The following ENDOD1 variants were observed in gnomAD, a reference collection of about 807,000 sequenced individuals.
ENDOD1 encodes endonuclease domain-containing 1 protein.
Under a neutral mutation model 6.5 loss-of-function variants are expected in ENDOD1, and 9 were observed. The ratio of observed to expected loss-of-function variants is 1.39; its 90% CI spans 0.84 to 2.43. The LOEUF (loss-of-function observed/expected upper bound fraction) is 2.43, where lower values mean the gene tolerates loss of function less well. Among genes scored for constraint, ENDOD1 ranks in the 30% most tolerant of loss-of-function variants. The pLI is 0.00. For synonymous variants in ENDOD1, 255 were observed against 255.2 expected, an observed-to-expected ratio of 1.00 and a Z score of 0.01; for missense variants, 648 against 635.5, an observed-to-expected ratio of 1.02 and a Z score of -0.21.
At position 95,090,224 on chromosome 11, in the gene ENDOD1, G is replaced by T. The variant is rs782231032; in HGVS notation, c.297G>T (p.Pro99=). 2.6e-5 allele frequency: 36 copies of T among 1,377,162 alleles called. 1 individual carries two copies. The highest frequency in any genetic ancestry group is 5.3e-4 in the Middle Eastern group (2 of 3,746). 85.3% of individuals were successfully genotyped at this position (1,377,162 alleles called of 1,614,324 possible). Residue 99 remains proline, a synonymous_variant, in exon 1 of 2, where the codon CCG becomes CCT. Coordinates refer to ENST00000278505, the MANE Select transcript of ENDOD1 (RefSeq NM_015036.3). ...GGAEQRWLVE[P]QIDDPNSNLE... is the part of the protein sequence containing the mutation. ...CCGAGCAGCGATGGCTGGTGGAGCCGCAGGTAAGCGAAGTGGTTCCCGAGC... is the reference window on the plus strand; with the variant it reads ...CCGAGCAGCGATGGCTGGTGGAGCCTCAGGTAAGCGAAGTGGTTCCCGAGC...
At chr11:95,102,542 C>T (rs1394439343) in intron 1 of ENDOD1, among the ~76,000 whole-genome samples, 1 of 151,736 alleles carries the variant, frequency 6.6e-6, no homozygotes, top group Non-Finnish European at 1.5e-5. Flanking sequence ...CGTGGTGGCA[C>T]ATGCCTGTAA....
At chr11:95,095,038 T>G (rs1246537874) in intron 1 of ENDOD1, among the ~76,000 whole-genome samples, 1 of 137,508 alleles carries the variant, frequency 7.3e-6, no homozygotes, top group Non-Finnish European at 1.5e-5. Flanking sequence ...GCTAGGCGTG[T>G]GCACGCACAC....
At chr11:95,122,854 A>C (rs998887486) in intron 1 of ENDOD1, among the ~76,000 whole-genome samples, 3 of 152,202 alleles carry the variant, frequency 2.0e-5, no homozygotes, top group African/African-American at 7.2e-5. Flanking sequence ...TAGTGAGCAA[A>C]TGGGCATTTT....
rs1327688297 is a variant in ENDOD1, at chr11:95,131,209, A to T, written c.*1630A>T. 3 of 152,214 alleles carry T rather than the reference A, an allele frequency of 2.0e-5. No individual in the cohort carries two copies. The East Asian group carries it at 5.8e-4, about 29-fold the overall frequency. The allele number at this position is 152,214 out of a possible 1,614,324, so 9.4% of individuals were successfully genotyped here. A position where few individuals can be genotyped will look rare whatever the true frequency, so the allele number is the denominator to read the frequency against. On this transcript the variant is annotated 3_prime_UTR_variant, in exon 2 of 2. Transcript: ENST00000278505. ...AGCACCGCATGGGTCCATGCTAGGG[A>T]GATGTGCACCAGGCTTAGCTAAGAA...
intron 1 of ENDOD1, among the ~76,000 whole-genome samples, chr11:95,095,214 A>G (rs1239840406): frequency 2.6e-5 from 4 of 152,256 alleles, no homozygotes; most frequent in Non-Finnish European, 5.9e-5. Flanking sequence ...GCATGATGAG[A>G]GATGAAATGT....
At chr11:95,103,756 T>A (rs75688839) in intron 1 of ENDOD1, among the ~76,000 whole-genome samples, 274 of 152,340 alleles carry the variant, frequency 1.8e-3, no homozygotes, top group African/African-American at 6.2e-3. Context: ...GGCATGGGAC[T>A]AATAAATTGT....
intron 1 of ENDOD1, among the ~76,000 whole-genome samples, chr11:95,108,765 A>T (rs1405554003): frequency 6.6e-6 from 1 of 152,102 alleles, no homozygotes; most frequent in East Asian, 1.9e-4. Flanking sequence ...GTTGAAAGGC[A>T]GCAGCTCCTT....
intron 1 of ENDOD1, among the ~76,000 whole-genome samples, chr11:95,091,244 C>G (rs1174064735): frequency 6.6e-6 from 1 of 152,216 alleles, no homozygotes; most frequent in Non-Finnish European, 1.5e-5. Flanking sequence ...CTCTCCCTTT[C>G]CTGACGGCCA....
chr11:95,132,450 G>GT lies in ENDOD1; in HGVS notation c.*2872dup, dbSNP rs1859379928. On this transcript the variant is annotated 3_prime_UTR_variant, in exon 2 of 2. Coordinates refer to ENST00000278505, the MANE Select transcript of ENDOD1 (RefSeq NM_015036.3). Reference sequence around the variant, plus strand: ...AGTGGAGAGAACACATGGTACAATCGTAACACATGAAGGACAAGTAAGTGC... The same window carrying GT: ...AGTGGAGAGAACACATGGTACAATCGTTAACACATGAAGGACAAGTAAGTGC... The GT allele has an allele frequency of 2.0e-5, 3 of 152,418 alleles. No individual in the cohort carries two copies. The highest frequency in any genetic ancestry group is 1.9e-4 in the East Asian group (1 of 5,182). The allele number at this position is 152,418 out of a possible 1,614,324, so 9.4% of individuals were successfully genotyped here. A position where few individuals can be genotyped will look rare whatever the true frequency, so the allele number is the denominator to read the frequency against.
chr11:95,118,933 G>C (rs782346605), intron 1 of ENDOD1, among the ~76,000 whole-genome samples: 2 of 152,088 alleles, frequency 1.3e-5, no homozygotes, highest in Admixed American at 6.5e-5. Flanking sequence ...TGTTTGATCA[G>C]TTCTGCTATT....
At chr11:95,110,384 A>C (rs78729420) in intron 1 of ENDOD1, among the ~76,000 whole-genome samples, 4,888 of 152,254 alleles carry the variant, frequency 0.032, 106 homozygotes, top group Non-Finnish European at 0.044. Context: ...ATTAGCAGAT[A>C]CCTACCAAGA....
intron 1 of ENDOD1, among the ~76,000 whole-genome samples, chr11:95,092,913 A>G (rs1727210180): frequency 1.3e-5 from 2 of 152,208 alleles, no homozygotes. Flanking sequence ...TTATGAGGTC[A>G]GTGTTACCAA....
intron 1 of ENDOD1, among the ~76,000 whole-genome samples, chr11:95,101,376 A>G (rs1256198567): frequency 1.3e-5 from 2 of 152,180 alleles, no homozygotes. Context: ...CTTGGCAAAT[A>G]TGGATTGAGC....
chr11:95,112,884 G>A (rs1859164199), intron 1 of ENDOD1, among the ~76,000 whole-genome samples: 1 of 152,154 alleles, frequency 6.6e-6, no homozygotes. Context: ...AATAGATGGT[G>A]ACTTTATTGA....
Position 95,128,724 on chromosome 11 carries a change from T to A in ENDOD1, c.648T>A (p.Pro216=). Residue 216 remains proline, a synonymous_variant, in exon 2 of 2, where the codon CCT becomes CCA. Transcript: ENST00000278505. ...DYRVKDKVAV[P]EFVWLAACCA... is the part of the protein sequence containing the mutation. ...GAGTTAAAGACAAAGTGGCAGTCCC[T>A]GAGTTTGTTTGGCTGGCAGCCTGTT... 1 of 1,614,170 alleles carries A rather than the reference T, an allele frequency of 6.2e-7. No homozygotes were observed. Among genetic ancestry groups the A allele is most frequent in the African/African-American group, 1.3e-5 (1 of 75,034 alleles).
At chr11:95,118,560 T>C (rs1859233209) in intron 1 of ENDOD1, among the ~76,000 whole-genome samples, 1 of 152,256 alleles carries the variant, frequency 6.6e-6, no homozygotes, top group African/African-American at 2.4e-5. Context: ...GTATTTTATA[T>C]GTTTCTTTTC....
intron 1 of ENDOD1, among the ~76,000 whole-genome samples, chr11:95,122,900 T>TCCTA (rs1333776052): frequency 1.3e-5 from 2 of 152,040 alleles, no homozygotes; most frequent in Non-Finnish European, 2.9e-5. Flanking sequence ...TATTAAAAGG[T>TCCTA]CCTAGGGGCC....
At chr11:95,104,645 T>C (rs1555111269) in intron 1 of ENDOD1, among the ~76,000 whole-genome samples, 1 of 152,026 alleles carries the variant, frequency 6.6e-6, no homozygotes, top group East Asian at 1.9e-4. Context: ...ATAAAACTTA[T>C]CCAAGCTTAC....
chr11:95,096,227 C>CTTTTTTTTTTTTTTTTTTTTTT lies in ENDOD1; in HGVS notation c.300+6004_300+6025dup, dbSNP rs10660230. ...CTAGAATTACTGTTAGTCAAGAAAG[C>CTTTTTTTTTTTTTTTTTTTTTT]TTTTTTTTTTTTTTTTTTTTTTTTT... is the stretch of plus-strand genomic sequence containing the variant. On this transcript the variant is annotated intron_variant, in intron 1 of 1. Transcript: ENST00000278505. Among the ~76,000 whole-genome samples the CTTTTTTTTTTTTTTTTTTTTTT allele has an allele frequency of 8.0e-5, 4 of 49,964 alleles. 1 individual carries two copies. The highest frequency in any genetic ancestry group is 1.3e-4 in the Non-Finnish European group (4 of 30,062). The allele number at this position is 49,964 out of a possible 152,430, so 32.8% of individuals were successfully genotyped here.
Sources: gnomAD v4.1 joint callset for allele counts (sites outside exome capture counted in the v4.1 genomes callset) on GRCh38, gnomAD v4.1.1 for gene constraint, MANE v1.5 for transcripts, NCBI Gene and HGNC (gene_info 2026-07-23, HGNC 2026-07-21) for gene names.